The following MAGI2 variants were observed in gnomAD, a reference collection of about 807,000 sequenced individuals.
MAGI2 encodes membrane-associated guanylate kinase, WW and PDZ domain-containing protein 2.
MAGI2 carries 35 observed loss-of-function variants against 133.3 expected under a neutral mutation model. That is an observed-to-expected ratio of 0.26 (90% CI 0.20 to 0.35). MAGI2 has a LOEUF of 0.35. Ranked by LOEUF, MAGI2 falls within the 10% of genes least tolerant of loss-of-function variation. The pLI is 1.00. For missense variants in MAGI2, 1,636 were observed against 1,863.4 expected (o/e 0.88, Z 2.25); for synonymous variants, 729 against 710.6 (o/e 1.03, Z -0.41).
chr7:78,293,738 T>C (rs539973770), intron 9 of MAGI2, among the ~76,000 whole-genome samples: 1 of 152,136 alleles, frequency 6.6e-6, no homozygotes, highest in Non-Finnish European at 1.5e-5. Context: ...ATATACACCA[T>C]GGAATACTAT....
intron 1 of MAGI2, chr7:79,125,293 C>G (rs1264455521): frequency 2.2e-6 from 1 of 458,780 alleles, no homozygotes; most frequent in African/African-American, 2.0e-5. Context: ...CAAGAGATGG[C>G]TAGTGCTTCA....
chr7:78,154,871 T>C (rs1824233271), intron 16 of MAGI2, among the ~76,000 whole-genome samples: 1 of 152,126 alleles, frequency 6.6e-6, no homozygotes, highest in Non-Finnish European at 1.5e-5. Flanking sequence ...GGACCAAGGA[T>C]TGGCCTGACA....
intron 6 of MAGI2, among the ~76,000 whole-genome samples, chr7:78,456,469 C>A (rs950566600): frequency 1.3e-5 from 2 of 152,066 alleles, no homozygotes; most frequent in Non-Finnish European, 2.9e-5. Context: ...AATTACTGAG[C>A]ACATACTCTA....
At chr7:79,147,637 C>T (rs900422143) in intron 1 of MAGI2, among the ~76,000 whole-genome samples, 1 of 152,200 alleles carries the variant, frequency 6.6e-6, no homozygotes, top group Non-Finnish European at 1.5e-5. Context: ...GACTGCAAAC[C>T]TGATCTCATC....
rs1403364734 is a variant in MAGI2, at chr7:79,205,876, A to G, written c.302-198670T>C. On this transcript the variant is annotated intron_variant, in intron 1 of 21. Coordinates refer to ENST00000354212, the MANE Select transcript of MAGI2 (RefSeq NM_012301.4). Reference sequence around the variant, plus strand: ...AACCACAACACCAAAACCTAGAGTAAATACAGAGAAAAGTAAAAGCAAGAA... The same window carrying G: ...AACCACAACACCAAAACCTAGAGTAGATACAGAGAAAAGTAAAAGCAAGAA... 2.6e-5 allele frequency among the ~76,000 whole-genome samples: 4 copies of G among 151,750 alleles called. No individual in the cohort carries two copies. The South Asian group carries it at 8.3e-4, about 31-fold the overall frequency.
intron 1 of MAGI2, chr7:79,411,769 G>A (rs577883161): frequency 3.9e-5 from 6 of 152,046 alleles, no homozygotes; most frequent in East Asian, 1.9e-4. Flanking sequence ...CAATAGAATC[G>A]TGATTGAAGT....
At chr7:78,243,330 A>G in intron 10 of MAGI2, among the ~76,000 whole-genome samples, 1 of 151,724 alleles carries the variant, frequency 6.6e-6, no homozygotes, top group East Asian at 1.9e-4. Context: ...ATGTGGGTAA[A>G]CCGTATATGG....
intron 15 of MAGI2, among the ~76,000 whole-genome samples, chr7:78,165,168 G>T (rs1825503481): frequency 6.6e-6 from 1 of 152,144 alleles, no homozygotes; most frequent in South Asian, 2.1e-4. Flanking sequence ...TCACTTTTGA[G>T]AATCTAGTTT....
chr7:78,781,256 G>A (rs987144199), intron 2 of MAGI2, among the ~76,000 whole-genome samples: 4 of 151,782 alleles, frequency 2.6e-5, no homozygotes, highest in Non-Finnish European at 5.9e-5. Flanking sequence ...GCGGGCGCCT[G>A]TAGTCCCAGC....
intron 1 of MAGI2, among the ~76,000 whole-genome samples, chr7:79,369,424 G>A (rs66592015): frequency 1.3e-5 from 2 of 151,928 alleles, no homozygotes. Flanking sequence ...CAGATGCAAA[G>A]CCTTTTTCCA....
rs147784213 is a variant in MAGI2, at chr7:78,149,269, G to A, written c.2845+10756C>T. Among the ~76,000 whole-genome samples the A allele has an allele frequency of 2.8e-3, 424 of 152,260 alleles. 3 individuals are homozygous for A. Among genetic ancestry groups the A allele is most frequent in the Non-Finnish European group, 4.5e-3 (308 of 68,006 alleles). ...AGTGCTAACCTAGAACCTTAAGGAA[G>A]GCATTAGCAGTGGTGGTAGGGAATG... On this transcript the variant is annotated intron_variant, in intron 16 of 21. Transcript: ENST00000354212.
chr7:78,887,425 C>T lies in MAGI2; in HGVS notation c.418+119665G>A, dbSNP rs539085282. 1.6e-4 allele frequency among the ~76,000 whole-genome samples: 25 copies of T among 152,242 alleles called. No homozygotes were observed. In the Middle Eastern group the frequency reaches 0.017, roughly 104 times the overall value. On this transcript the variant is annotated intron_variant, in intron 2 of 21. Transcript: ENST00000354212. ...TGAATCAGAAATTCTGGGAGCAAGC[C>T]GCAGTAATCAGCGTTTTAACAAGTC...
At position 79,324,622 on chromosome 7, in the gene MAGI2, ATATATATT is replaced by A. The variant is rs776440860; in HGVS notation, c.301+128390_301+128397del. Among the ~76,000 whole-genome samples the A allele has an allele frequency of 2.1e-3, 128 of 60,412 alleles. 37 individuals carry two copies. Among genetic ancestry groups the A allele is most frequent in the African/African-American group, 9.6e-3 (125 of 13,066 alleles). 39.6% of individuals were successfully genotyped at this position (60,412 alleles called of 152,430 possible). A position where few individuals can be genotyped will look rare whatever the true frequency, so the allele number is the denominator to read the frequency against. On this transcript the variant is annotated intron_variant, in intron 1 of 21. Transcript: ENST00000354212. ...TATATATATAAAAAATATATATAAT[ATATATATT>A]ATATATATATAAAATATATATATAT...
intron 10 of MAGI2, chr7:78,251,981 A>G (rs909697493): frequency 6.6e-6 from 1 of 152,086 alleles, no homozygotes; most frequent in African/African-American, 2.4e-5. Flanking sequence ...TCACTAAAAG[A>G]AAATTTAAAA....
intron 3 of MAGI2, among the ~76,000 whole-genome samples, chr7:78,609,386 C>T (rs1012095304): frequency 1.1e-4 from 16 of 152,130 alleles, no homozygotes; most frequent in African/African-American, 3.9e-4. Flanking sequence ...CAACAGGAAA[C>T]ACACCAATCC....
chr7:78,728,540 CTTTTTTTTTTTTTTTTTTTTTTTTTTTTT>C (rs71085560), intron 2 of MAGI2, among the ~76,000 whole-genome samples: 1 of 60,070 alleles, frequency 1.7e-5, no homozygotes, highest in South Asian at 7.6e-4. Context: ...TTTCTCTGAT[CTTTTTTTTTTTTTTTTTTTTTTTTTTTTT>C]TTTTTTTTTT....
At chr7:78,208,892 T>A (rs1787407442) in intron 10 of MAGI2, among the ~76,000 whole-genome samples, 1 of 152,060 alleles carries the variant, frequency 6.6e-6, no homozygotes, top group African/African-American at 2.4e-5. Context: ...TTAGTGTTCC[T>A]TATTTTGGGA....
chr7:78,316,321 A>G (rs1451895768), intron 9 of MAGI2, among the ~76,000 whole-genome samples: 1 of 152,212 alleles, frequency 6.6e-6, no homozygotes, highest in Admixed American at 6.5e-5. Flanking sequence ...ACTGCATTTT[A>G]GTGCTGATAC....
intron 1 of MAGI2, among the ~76,000 whole-genome samples, chr7:79,229,390 G>A (rs756785760): frequency 2.0e-5 from 3 of 151,756 alleles, no homozygotes; most frequent in South Asian, 4.1e-4. Flanking sequence ...ACAGCCTTTG[G>A]GCCTACCATC....
Sources: gnomAD v4.1 joint callset for allele counts (sites outside exome capture counted in the v4.1 genomes callset) on GRCh38, gnomAD v4.1.1 for gene constraint, MANE v1.5 for transcripts, NCBI Gene and HGNC (gene_info 2026-07-23, HGNC 2026-07-21) for gene names.